Variants in KCNIP4 observed in about 807,000 individuals in gnomAD.
KCNIP4 encodes Kv channel-interacting protein 4.
Under a neutral mutation model 34.0 loss-of-function variants are expected in KCNIP4, and 12 were observed. That is an observed-to-expected ratio of 0.35 (90% CI 0.23 to 0.57). The LOEUF is 0.57. KCNIP4 is among the 20% of genes least tolerant of loss of function. The probability of loss-of-function intolerance (pLI) is 0.83; values close to 1 mark genes in which losing one functional copy is unlikely to be tolerated. For synonymous variants in KCNIP4, 124 were observed against 102.2 expected (o/e 1.21, Z -1.29); for missense variants, 238 against 311.7 (o/e 0.76, Z 1.78).
intron 1 of KCNIP4, among the ~76,000 whole-genome samples, chr4:20,962,483 A>G (rs545423016): frequency 1.2e-4 from 18 of 152,258 alleles, no homozygotes; most frequent in Admixed American, 2.0e-4. Context: ...GTAGGGGTAA[A>G]GGTGATGTTA....
chr4:21,124,078 T>C (rs971859411), intron 1 of KCNIP4, among the ~76,000 whole-genome samples: 10 of 152,074 alleles, frequency 6.6e-5, no homozygotes, highest in Non-Finnish European at 1.3e-4. Flanking sequence ...TATATTTTCT[T>C]TAAAAATCAT....
At chr4:21,420,570 C>A (rs1410258274) in intron 1 of KCNIP4, among the ~76,000 whole-genome samples, 1 of 152,176 alleles carries the variant, frequency 6.6e-6, no homozygotes, top group Non-Finnish European at 1.5e-5. Flanking sequence ...TTGCAGTGTT[C>A]TTTATCATTT....
chr4:20,921,111 G>T (rs180862885), intron 1 of KCNIP4, among the ~76,000 whole-genome samples: 77 of 152,290 alleles, frequency 5.1e-4, no homozygotes, highest in African/African-American at 1.7e-3. Context: ...CAGTTAAGAG[G>T]TGATGAAGAA....
intron 1 of KCNIP4, among the ~76,000 whole-genome samples, chr4:21,541,641 ATTTCT>A (rs1308543977): frequency 2.6e-5 from 4 of 151,918 alleles, no homozygotes; most frequent in East Asian, 1.9e-4. Context: ...CTTTCTATTT[ATTTCT>A]TTTCTTTTCT....
At chr4:21,792,175 A>G (rs1370152675) in intron 1 of KCNIP4, among the ~76,000 whole-genome samples, 1 of 147,032 alleles carries the variant, frequency 6.8e-6, no homozygotes, top group Non-Finnish European at 1.5e-5. Context: ...TAAGTTTCAC[A>G]AGCACATAAA....
At chr4:21,730,717 T>C (rs1184974674) in intron 1 of KCNIP4, among the ~76,000 whole-genome samples, 1 of 152,222 alleles carries the variant, frequency 6.6e-6, no homozygotes, top group Non-Finnish European at 1.5e-5. Flanking sequence ...GTTATTTTGA[T>C]TCAGATTTAC....
intron 1 of KCNIP4, among the ~76,000 whole-genome samples, chr4:21,866,857 C>G (rs1420000164): frequency 6.8e-6 from 1 of 148,014 alleles, no homozygotes; most frequent in Non-Finnish European, 1.5e-5. Context: ...CTGCAAGCTC[C>G]GCCTCCCAGG....
chr4:21,891,990 C>A (rs961023966), intron 1 of KCNIP4, among the ~76,000 whole-genome samples: 1 of 152,078 alleles, frequency 6.6e-6, no homozygotes, highest in African/African-American at 2.4e-5. Flanking sequence ...GGGGTGATTT[C>A]TGTCAACTTA....
intron 1 of KCNIP4, among the ~76,000 whole-genome samples, chr4:21,477,231 T>C (rs1731059693): frequency 6.6e-6 from 1 of 152,196 alleles, no homozygotes; most frequent in Non-Finnish European, 1.5e-5. Context: ...AACAACCATC[T>C]TGGCTAAACT....
At chr4:21,360,228 T>C (rs1719074984) in intron 1 of KCNIP4, among the ~76,000 whole-genome samples, 1 of 152,130 alleles carries the variant, frequency 6.6e-6, no homozygotes, top group Non-Finnish European at 1.5e-5. Context: ...TTAGGAATCA[T>C]TGACTATCCT....
intron 1 of KCNIP4, among the ~76,000 whole-genome samples, chr4:20,988,000 C>CAAAAAAAAGAAAAAAAAAAAAA (rs1736738624): frequency 2.2e-5 from 1 of 46,318 alleles, no homozygotes; most frequent in Admixed American, 3.1e-4. Flanking sequence ...GATTCCATCT[C>CAAAAAAAAGAAAAAAAAAAAAA]AAAAAAAAAA....
intron 1 of KCNIP4, among the ~76,000 whole-genome samples, chr4:21,052,448 G>A (rs1393708953): frequency 6.6e-6 from 1 of 152,142 alleles, no homozygotes; most frequent in Non-Finnish European, 1.5e-5. Flanking sequence ...CTGCCCCACT[G>A]AATTTAAGAA....
chr4:21,238,054 G>A lies in KCNIP4; in HGVS notation c.62-355345C>T, dbSNP rs575895996. ...CCATGATCAAGTGGGCTTCATCCCT[G>A]GGATGCAAGGCTGGTTCAACATACG... is the stretch of plus-strand genomic sequence containing the variant. On this transcript the variant is annotated intron_variant, in intron 1 of 8. Coordinates refer to ENST00000382152, the MANE Select transcript of KCNIP4 (RefSeq NM_025221.6). 1.7e-3 allele frequency among the ~76,000 whole-genome samples: 263 copies of A among 152,232 alleles called. 1 individual carries two copies. Among genetic ancestry groups the A allele is most frequent in the Non-Finnish European group, 2.3e-3 (159 of 68,016 alleles).
rs368783021 is a variant in KCNIP4, at chr4:21,880,230, T to C, written c.61+68341A>G. Among the ~76,000 whole-genome samples, 142 of 152,354 alleles carry C rather than the reference T, an allele frequency of 9.3e-4. 1 individual carries two copies. The highest frequency in any genetic ancestry group is 3.3e-3 in the African/African-American group (138 of 41,592). On this transcript the variant is annotated intron_variant, in intron 1 of 8. Transcript: ENST00000382152. ...TTTATTGACCAAAAATGTTTCATCA[T>C]ATATTTTTTATTATTTAAAAATAGC...
intron 1 of KCNIP4, among the ~76,000 whole-genome samples, chr4:20,946,344 T>C (rs1009238714): frequency 1.5e-5 from 2 of 130,824 alleles, no homozygotes; most frequent in Non-Finnish European, 3.4e-5. Flanking sequence ...TCCCAGGCAA[T>C]GTGAATGCTC....
At chr4:20,848,941 T>G (rs1206553790) in intron 3 of KCNIP4, among the ~76,000 whole-genome samples, 3 of 152,206 alleles carry the variant, frequency 2.0e-5, no homozygotes, top group African/African-American at 7.2e-5. Flanking sequence ...ATTGGTCTTT[T>G]ACACCTCCTT....
At chr4:21,293,776 T>C (rs1030612864) in intron 1 of KCNIP4, among the ~76,000 whole-genome samples, 3 of 152,196 alleles carry the variant, frequency 2.0e-5, no homozygotes, top group Admixed American at 6.5e-5. Flanking sequence ...TAAAAAATCA[T>C]ATGTAAAATT....
intron 1 of KCNIP4, among the ~76,000 whole-genome samples, chr4:21,743,973 C>A (rs1716599342): frequency 6.6e-6 from 1 of 151,902 alleles, no homozygotes; most frequent in East Asian, 1.9e-4. Flanking sequence ...AAAGCTACAG[C>A]AGAAGTAAAT....
chr4:21,072,418 T>C (rs943600849), intron 1 of KCNIP4, among the ~76,000 whole-genome samples: 4 of 152,226 alleles, frequency 2.6e-5, no homozygotes, highest in African/African-American at 9.6e-5. Flanking sequence ...TTTTCATGTG[T>C]CTGTTGGCTG....
Sources: allele counts gnomAD v4.1 joint callset (sites outside exome capture counted in the v4.1 genomes callset), GRCh38; gene constraint gnomAD v4.1.1; transcripts MANE v1.5; gene names NCBI Gene and HGNC (gene_info 2026-07-23, HGNC 2026-07-21).